Variants in AHDC1 observed in about 807,000 individuals in gnomAD.
AHDC1 encodes transcription factor Gibbin.
A neutral mutation model predicts 87.9 loss-of-function variants in AHDC1; 7 were observed. That is an observed-to-expected ratio of 0.08 (90% CI 0.05 to 0.15). AHDC1 has a LOEUF of 0.15. AHDC1 is among the 10% of genes least tolerant of loss of function. The pLI is 1.00. For synonymous variants in AHDC1, 1,051 were observed against 1,006.8 expected, an observed-to-expected ratio of 1.04 and a Z score of -0.83; for missense variants, 1,841 against 2,253.2, an observed-to-expected ratio of 0.82 and a Z score of 3.70.
At chr1:27,536,578 CAA>C (rs1207869685) in intron 8 of AHDC1, among the ~76,000 whole-genome samples, 9 of 152,106 alleles carry the variant, frequency 5.9e-5, no homozygotes, top group Non-Finnish European at 1.2e-4. Flanking sequence ...GCTGCAGAGA[CAA>C]GAGGGGTGTC....
At chr1:27,594,986 ACTGT>A (rs996424756) in intron 3 of AHDC1, among the ~76,000 whole-genome samples, 1 of 151,604 alleles carries the variant, frequency 6.6e-6, no homozygotes, top group Non-Finnish European at 1.5e-5. Context: ...CGGAGCTGAG[ACTGT>A]CTGGGAAGCG....
At chr1:27,555,802 C>T (rs1047252622) in intron 5 of AHDC1, among the ~76,000 whole-genome samples, 1 of 149,514 alleles carries the variant, frequency 6.7e-6, no homozygotes, top group African/African-American at 2.4e-5. Context: ...GTGATCTTGG[C>T]AGAAGAGAAA....
rs1358693180 is a variant in AHDC1 at position 27,603,428 on chromosome 1, G to C, written c.-660C>G. ...GCTGGGCTGCCGGCTCCGTGGGTCC[G>C]AGCCAGGCGAGGGGTTTTGGGGGAC... On this transcript the variant is annotated 5_prime_UTR_variant, in exon 3 of 9. Transcript: ENST00000673934. The C allele has an allele frequency of 1.3e-5, 2 of 152,648 alleles. No individual in the cohort carries two copies. Among genetic ancestry groups the C allele is most frequent in the Non-Finnish European group, 1.5e-5 (1 of 68,336 alleles). The allele number at this position is 152,648 out of a possible 1,614,324, so 9.5% of individuals were successfully genotyped here.
Position 27,550,543 on chromosome 1 carries a change from T to C in AHDC1, c.1573A>G (p.Asn525Asp). ...AEPTPLLKMK[N>D]NGRNVVVVFP... Reference sequence around the variant, plus strand: ...ACCACTACCACGTTCCGCCCATTGTTCTTCATCTTCAGCAGCGGGGTGGGC... The same window carrying C: ...ACCACTACCACGTTCCGCCCATTGTCCTTCATCTTCAGCAGCGGGGTGGGC... Residue 525 changes from asparagine (N) to aspartate (D), a missense_variant, in exon 8 of 9, where the codon AAC becomes GAC. Physicochemically the swap from Asn to Asp is conservative, Grantham distance 23. Transcript: ENST00000673934. 1 of 1,612,682 alleles carries C rather than the reference T, an allele frequency of 6.2e-7. No homozygotes were observed. The highest frequency in any genetic ancestry group is 8.5e-7 in the Non-Finnish European group (1 of 1,179,120).
chr1:27,562,479 T>C lies in AHDC1; in HGVS notation c.-628-3596A>G, dbSNP rs6598888. Reference sequence around the variant, plus strand: ...GCCCTCAGGGACACAGCCCCCTGCCTCCCATGCAAACCCTGCCTTGGTGCC... The same window carrying C: ...GCCCTCAGGGACACAGCCCCCTGCCCCCCATGCAAACCCTGCCTTGGTGCC... On this transcript the variant is annotated intron_variant, in intron 3 of 8. Coordinates refer to ENST00000673934, the MANE Select transcript of AHDC1 (RefSeq NM_001371928.1). This position sits in a 1 kb window ranked among gnomAD's most constrained non-coding sequence, Gnocchi z 4.4. 0.15 allele frequency among the ~76,000 whole-genome samples: 22,081 copies of C among 152,012 alleles called. 2,415 individuals carry two copies. Among genetic ancestry groups the C allele is most frequent in the African/African-American group, 0.31 (12,719 of 41,418 alleles).
chr1:27,561,688 G>A lies in AHDC1; in HGVS notation c.-628-2805C>T, dbSNP rs555645604. On this transcript the variant is annotated intron_variant, in intron 3 of 8. Coordinates refer to ENST00000673934, the MANE Select transcript of AHDC1 (RefSeq NM_001371928.1). This position sits in a 1 kb window ranked among gnomAD's most constrained non-coding sequence, Gnocchi z 4.2. ...CCGAGACCACACAAGAGAGAGAGAG[G>A]AAAAGACAGAGAGAGAGAGCGTGCC... 6.6e-6 allele frequency among the ~76,000 whole-genome samples: 1 copy of A among 152,116 alleles called. No individual in the cohort carries two copies. Among genetic ancestry groups the A allele is most frequent in the Admixed American group, 6.5e-5 (1 of 15,274 alleles).
In AHDC1 at chr1:27,549,400, C is replaced by G; in HGVS notation, c.2716G>C (p.Gly906Arg). 1 of 1,612,912 alleles carries G rather than the reference C, an allele frequency of 6.2e-7. No individual in the cohort carries two copies. The change falls in exon 8 of 9, where the codon GGG becomes CGG. Residue 906 changes from glycine (G) to arginine (R), a missense_variant. Transcript: ENST00000673934. ...SPVAVGSSGAGADPSFQPVLS... is the reference protein window; with the variant it reads ...SPVAVGSSGARADPSFQPVLS... ...ACAGGCTGAAAGGAGGGGTCCGCCC[C>G]AGCCCCGCTGCTACCCACTGCCACT... is the stretch of plus-strand genomic sequence containing the variant.
chr1:27,571,512 C>T (rs2088510106), intron 3 of AHDC1, among the ~76,000 whole-genome samples: 1 of 152,056 alleles, frequency 6.6e-6, no homozygotes, highest in Non-Finnish European at 1.5e-5. Context: ...CCCCTCGGCC[C>T]ACAGCCCTCC....
At position 27,547,760 on chromosome 1, in the gene AHDC1, G is replaced by A. The variant is rs1161659394; in HGVS notation, c.4356C>T (p.Gly1452=). ...AGCTGGGGGAATCGTAGTGGGGCTG[G>A]CCCAGCGGCAGGTCCCGGCAGCTCA... ...AHLSCRDLPL[G]QPHYDSPSCK... is the part of the protein sequence containing the mutation. Residue 1452 remains glycine, a synonymous_variant, in exon 8 of 9, where the codon GGC becomes GGT. Transcript: ENST00000673934. This position sits in a 1 kb window ranked among gnomAD's most constrained non-coding sequence, Gnocchi z 4.9. 1.3e-6 allele frequency: 2 copies of A among 1,589,078 alleles called. No homozygotes were observed. Among genetic ancestry groups the A allele is most frequent in the Admixed American group, 3.4e-5 (2 of 58,668 alleles).
chr1:27,584,841 A>C (rs971718681), intron 3 of AHDC1, among the ~76,000 whole-genome samples: 2 of 152,094 alleles, frequency 1.3e-5, no homozygotes, highest in African/African-American at 4.8e-5. Context: ...CTTATCCCCC[A>C]GGAATTCAGG....
intron 3 of AHDC1, among the ~76,000 whole-genome samples, chr1:27,580,590 A>G (rs906142240): frequency 5.9e-5 from 9 of 151,630 alleles, no homozygotes; most frequent in Non-Finnish European, 1.3e-4. Flanking sequence ...TTAACTTCCA[A>G]CCCTGACTGG....
chr1:27,564,301 C>T (rs1471858407), intron 3 of AHDC1, among the ~76,000 whole-genome samples: 2 of 152,030 alleles, frequency 1.3e-5, no homozygotes, highest in Non-Finnish European at 2.9e-5. Flanking sequence ...GGGAAGGGGC[C>T]GCAGTGAGAG....
At chr1:27,544,264 C>G (rs180860545) in intron 8 of AHDC1, among the ~76,000 whole-genome samples, 1 of 152,124 alleles carries the variant, frequency 6.6e-6, no homozygotes, top group Non-Finnish European at 1.5e-5. Context: ...CACAAATGTC[C>G]CTTTTCTCAT....
chr1:27,550,568 C>T lies in AHDC1; in HGVS notation c.1548G>A (p.Glu516=). ...TCTTCATCTTCAGCAGCGGGGTGGG[C>T]TCAGCCGACACGCGCAGGCCCAGCT... ...GKELGLRVSA[E]PTPLLKMKNN... Residue 516 remains glutamate (E), a synonymous_variant, in exon 8 of 9, where the codon GAG becomes GAA. Coordinates refer to ENST00000673934, the MANE Select transcript of AHDC1 (RefSeq NM_001371928.1). The T allele has an allele frequency of 6.2e-7, 1 of 1,613,614 alleles. No homozygotes were observed. Among genetic ancestry groups the T allele is most frequent in the East Asian group, 2.2e-5 (1 of 44,886 alleles).
At chr1:27,569,021 A>G (rs1033447696) in intron 3 of AHDC1, among the ~76,000 whole-genome samples, 2 of 151,870 alleles carry the variant, frequency 1.3e-5, no homozygotes, top group Admixed American at 1.3e-4. Flanking sequence ...CCGTAAGAAG[A>G]GCCCTGCCCT....
chr1:27,547,366 C>T lies in AHDC1; in HGVS notation c.4750G>A (p.Gly1584Ser), dbSNP rs774871172. 2.1e-5 allele frequency: 32 copies of T among 1,554,782 alleles called. No homozygotes were observed. Among genetic ancestry groups the T allele is most frequent in the African/African-American group, 2.7e-5 (2 of 72,836 alleles). The change falls in exon 8 of 9, where the codon GGC becomes AGC. Residue 1584 changes from glycine (G) to serine (S), a missense_variant. This residue lies in a region of AHDC1 where 505 missense variants were observed against 626.2 expected (regional missense o/e 0.81). Coordinates refer to ENST00000673934, the MANE Select transcript of AHDC1 (RefSeq NM_001371928.1). The surrounding 1 kb of genome is among the most constrained non-coding windows in gnomAD (Gnocchi z 4.9). ...GGTTCCGCCATGGGCCCCAGGAAGC[C>T]GCTCTTGGGGCCCCCACCCAGGCCA... The part of the protein sequence containing the change: ...HPGLGGGPKS[G>S]FLGPMAEPHP...
rs765084436 is a variant in AHDC1 at position 27,551,856 on chromosome 1, C to T, written c.260G>A (p.Arg87Gln). Residue 87 changes from arginine (R) to glutamine (Q), a missense_variant, in exon 8 of 9, where the codon CGG becomes CAG. Arg to Gln is a conservative substitution (Grantham distance 43). Transcript: ENST00000673934. ...LAKGDDPLPPRAARPVSQARC... is the reference protein window; with the variant it reads ...LAKGDDPLPPQAARPVSQARC... Reference sequence around the variant, plus strand: ...GGCCTGTGAGACAGGACGGGCTGCCCGTGGGGGCAGCGGGTCGTCCCCCTT... The same window carrying T: ...GGCCTGTGAGACAGGACGGGCTGCCTGTGGGGGCAGCGGGTCGTCCCCCTT... 8 of 1,609,354 alleles carry T rather than the reference C, an allele frequency of 5.0e-6. No homozygotes were observed. The highest frequency in any genetic ancestry group is 1.7e-4 in the Middle Eastern group (1 of 6,046).
intron 3 of AHDC1, among the ~76,000 whole-genome samples, chr1:27,583,320 G>A (rs1236657809): frequency 6.6e-6 from 1 of 152,094 alleles, no homozygotes; most frequent in Non-Finnish European, 1.5e-5. Flanking sequence ...TCACCTCAGG[G>A]CCTTTGCTGG....
At chr1:27,564,288 G>T (rs377497855) in intron 3 of AHDC1, among the ~76,000 whole-genome samples, 4 of 152,312 alleles carry the variant, frequency 2.6e-5, no homozygotes, top group African/African-American at 9.6e-5. Flanking sequence ...GCTTCGGGGA[G>T]GGGGGAAGGG....
Sources: allele counts gnomAD v4.1 joint callset (sites outside exome capture counted in the v4.1 genomes callset), GRCh38; gene constraint gnomAD v4.1.1; regional missense constraint gnomAD v4.1.1; non-coding constraint Gnocchi (gnomAD v3.1); transcripts MANE v1.5; gene names NCBI Gene and HGNC (gene_info 2026-07-23, HGNC 2026-07-21).